The following UQCC2 variants were observed in gnomAD, a reference collection of about 807,000 sequenced individuals.
UQCC2 encodes the protein breast cancer-associated protein SGA-81M.
Under a neutral mutation model 19.9 loss-of-function variants are expected in UQCC2, and 21 were observed. The observed-to-expected ratio is 1.05, with a 90% CI of 0.75 to 1.52. The LOEUF is 1.52. Ranked by LOEUF, UQCC2 falls within the 40% of genes most tolerant of loss-of-function variation. UQCC2 has a pLI of 0.00. For missense variants in UQCC2, 135 were observed against 157.5 expected (o/e 0.86, Z 0.76); for synonymous variants, 57 against 60.9 (o/e 0.94, Z 0.30).
Position 33,697,564 on chromosome 6 carries a change from A to G in UQCC2, c.*89T>C. On this transcript the variant is annotated 3_prime_UTR_variant, in exon 4 of 4. Coordinates refer to ENST00000607484, the MANE Select transcript of UQCC2 (RefSeq NM_032340.4). Reference sequence around the variant, plus strand: ...AAGCTAGAGGAGATTCCCAAACCGTAAGGTCAAGGGGAAACTGGGGCAGTT... The same window carrying G: ...AAGCTAGAGGAGATTCCCAAACCGTGAGGTCAAGGGGAAACTGGGGCAGTT... 2 of 993,970 alleles carry G rather than the reference A, an allele frequency of 2.0e-6. No individual in the cohort carries two copies. The highest frequency in any genetic ancestry group is 3.0e-6 in the Non-Finnish European group (2 of 670,992). 61.6% of individuals were successfully genotyped at this position (993,970 alleles called of 1,614,324 possible).
At chr6:33,704,970 A>ATAAGAGCAAAATGTACAAAGTC (rs1171449870) in intron 1 of UQCC2, among the ~76,000 whole-genome samples, 1 of 151,768 alleles carries the variant, frequency 6.6e-6, no homozygotes, top group Non-Finnish European at 1.5e-5. Context: ...TGCTGCTCCT[A>ATAAGAGCAAAATGTACAAAGTC]TAAGAGCAAA....
intron 2 of UQCC2, 129 bp from the exon 3 acceptor site, chr6:33,700,642 G>A (rs1238648802): frequency 1.3e-5 from 12 of 891,962 alleles, no homozygotes; most frequent in Admixed American, 2.0e-5. Flanking sequence ...GAAGAGCAGC[G>A]CCACCTCGAG....
chr6:33,704,256 G>C (rs774113051), intron 1 of UQCC2, among the ~76,000 whole-genome samples: 1 of 152,216 alleles, frequency 6.6e-6, no homozygotes, highest in Non-Finnish European at 1.5e-5. Flanking sequence ...GGAATGAAGG[G>C]GCATGTACAA....
rs546527676 is a variant in UQCC2 at position 33,709,298 on chromosome 6, T to C, written c.138+2251A>G. ...CTCAGGACACACAAATATTCCTTTC[T>C]CACTCTTCACAACTTCTCTTCATCT... On this transcript the variant is annotated intron_variant, in intron 1 of 3. Coordinates refer to ENST00000607484, the MANE Select transcript of UQCC2 (RefSeq NM_032340.4). Among the ~76,000 whole-genome samples the C allele has an allele frequency of 1.8e-4, 28 of 152,346 alleles. No homozygotes were observed. In the East Asian group the frequency reaches 2.1e-3, roughly 12 times the overall value.
chr6:33,706,486 T>A (rs958054301), intron 1 of UQCC2, among the ~76,000 whole-genome samples: 1 of 151,846 alleles, frequency 6.6e-6, no homozygotes, highest in Non-Finnish European at 1.5e-5. Flanking sequence ...CCCGGGGCAA[T>A]GTGTAAGTGA....
At chr6:33,711,416 A>C (rs1006518263) in intron 1 of UQCC2, 133 bp downstream of exon 1, 48 of 1,301,824 alleles carry the variant, frequency 3.7e-5, no homozygotes, top group East Asian at 8.0e-5. Context: ...TGGGGGAAAA[A>C]GGGGGTCCGC....
In UQCC2 at chr6:33,711,606, C is replaced by G. The variant is rs780117458; in HGVS notation, c.81G>C (p.Leu27Phe). 9.3e-6 allele frequency: 15 copies of G among 1,613,908 alleles called. No individual in the cohort carries two copies. The highest frequency in any genetic ancestry group is 2.2e-5 in the East Asian group (1 of 44,856). ...CTACCCGCTGTCGCAGGTAAGCGCC[C>G]AAGTCCCGGCCCCGTTTGGTCTCGT... ...PVDETKRGRDLGAYLRQRVAQ... is the reference protein window; with the variant it reads ...PVDETKRGRDFGAYLRQRVAQ... The change falls in exon 1 of 4, where the codon TTG becomes TTC. Residue 27 changes from leucine (L) to phenylalanine (F), a missense_variant. Transcript: ENST00000607484.
chr6:33,709,921 T>C lies in UQCC2; in HGVS notation c.138+1628A>G, dbSNP rs1055487823. Among the ~76,000 whole-genome samples the C allele has an allele frequency of 5.3e-5, 8 of 152,206 alleles. No homozygotes were observed. In the East Asian group the frequency reaches 7.7e-4, roughly 15 times the overall value. On this transcript the variant is annotated intron_variant, in intron 1 of 3. Coordinates refer to ENST00000607484, the MANE Select transcript of UQCC2 (RefSeq NM_032340.4). ...CAAATATAGCACTGCCTACTTGACA[T>C]TGCCACTTGGAAATCAGTGTACTTG... is the stretch of plus-strand genomic sequence containing the variant.
At chr6:33,711,488 T>A in intron 1 of UQCC2, 61 bp downstream of exon 1, 1 of 1,524,026 alleles carries the variant, frequency 6.6e-7, no homozygotes. Context: ...AGCGCGCTCG[T>A]TGGCCCCGCC....
At chr6:33,702,228 G>A (rs946101735) in intron 1 of UQCC2, among the ~76,000 whole-genome samples, 6 of 151,822 alleles carry the variant, frequency 4.0e-5, no homozygotes, top group Non-Finnish European at 5.9e-5. Flanking sequence ...GGCTGGTTTC[G>A]AACTCCTGAC....
intron 1 of UQCC2, 31 bp downstream of exon 1, chr6:33,711,518 C>A (rs1404628181): frequency 1.3e-6 from 2 of 1,580,166 alleles, no homozygotes; most frequent in Admixed American, 1.8e-5. Context: ...TCCTTTCCTC[C>A]CCTCGTCCCA....
chr6:33,702,985 T>C (rs1561890022), intron 1 of UQCC2, among the ~76,000 whole-genome samples: 1 of 152,232 alleles, frequency 6.6e-6, no homozygotes, highest in African/African-American at 2.4e-5. Flanking sequence ...TACACCCAGA[T>C]ACATCAGAAG....
rs144098356 is a variant in UQCC2, at chr6:33,709,544, G to A, written c.138+2005C>T. On this transcript the variant is annotated intron_variant, in intron 1 of 3. Coordinates refer to ENST00000607484, the MANE Select transcript of UQCC2 (RefSeq NM_032340.4). The stretch of plus-strand genomic sequence containing the variant: ...GGGAGTACAGCTTTAGAAAGTTCAC[G>A]GGTTTGTAGAATTGGGACTAGATAA... Among the ~76,000 whole-genome samples the A allele has an allele frequency of 4.4e-3, 669 of 152,202 alleles. 4 individuals are homozygous for A. Among genetic ancestry groups the A allele is most frequent in the Middle Eastern group, 0.014 (4 of 294 alleles).
intron 3 of UQCC2, 39 bp downstream of exon 3, chr6:33,700,405 T>G: frequency 1.2e-6 from 2 of 1,608,624 alleles, no homozygotes. Context: ...TCAGAATCAT[T>G]TGCAAACCAA....
At chr6:33,706,117 G>T (rs1765695445) in intron 1 of UQCC2, among the ~76,000 whole-genome samples, 1 of 152,190 alleles carries the variant, frequency 6.6e-6, no homozygotes, top group Non-Finnish European at 1.5e-5. Context: ...ATTTTGGGTG[G>T]TGACAGCAAT....
At position 33,711,689 on chromosome 6, in the gene UQCC2, T is replaced by C; in HGVS notation, c.-3A>G. 2 of 1,607,598 alleles carry C rather than the reference T, an allele frequency of 1.2e-6. No individual in the cohort carries two copies. Among genetic ancestry groups the C allele is most frequent in the Non-Finnish European group, 1.7e-6 (2 of 1,177,804 alleles). ...CGCCGGTACCGGCTGGCCGCCATCT[T>C]GGGCCCCGCGTGTTCCCGCCTTAGC... is the stretch of plus-strand genomic sequence containing the variant. On this transcript the variant is annotated 5_prime_UTR_variant, in exon 1 of 4. Transcript: ENST00000607484.
At chr6:33,703,430 G>A (rs894178660) in intron 1 of UQCC2, among the ~76,000 whole-genome samples, 11 of 152,014 alleles carry the variant, frequency 7.2e-5, no homozygotes, top group African/African-American at 7.2e-5. Flanking sequence ...CCCAAAGTGT[G>A]CTCACTTATA....
chr6:33,701,450 A>G (rs754337244), intron 1 of UQCC2, 30 bp from the exon 2 acceptor site: 1 of 1,608,114 alleles, frequency 6.2e-7, no homozygotes, highest in Non-Finnish European at 8.5e-7. Flanking sequence ...AAAGGAGGTG[A>G]GCAAAGGAGT....
rs1235845237 is a variant in UQCC2, at chr6:33,697,758, AGGGG to A, written c.284-12_284-9del. The A allele has an allele frequency of 2.5e-6, 4 of 1,609,576 alleles. No homozygotes were observed. Among genetic ancestry groups the A allele is most frequent in the Admixed American group, 3.4e-5 (2 of 59,442 alleles). ...TAAGCTCTTCCAAGGTGTCTGCAAA[AGGGG>A]AAGACAAAAAGAGAGAGGGACTGAA... On this transcript the variant is annotated splice_polypyrimidine_tract_variant and intron_variant, in intron 3 of 3. Transcript: ENST00000607484.
Sources: gnomAD v4.1 joint callset for allele counts (sites outside exome capture counted in the v4.1 genomes callset) on GRCh38, gnomAD v4.1.1 for gene constraint, MANE v1.5 for transcripts, NCBI Gene and HGNC (gene_info 2026-07-23, HGNC 2026-07-21) for gene names.